Variants in KPNA1 observed in about 807,000 individuals in gnomAD.
KPNA1 encodes the protein importin subunit alpha-5.
In KPNA1, 10 loss-of-function variants were observed where a neutral mutation model predicts 70.5. The observed-to-expected ratio is 0.14, with a 90% CI of 0.09 to 0.24. The LOEUF (loss-of-function observed/expected upper bound fraction) is 0.24, where lower values mean the gene tolerates loss of function less well. Among genes scored for constraint, KPNA1 ranks in the 10% least tolerant of loss-of-function variants. KPNA1 has a pLI of 1.00. For missense variants in KPNA1, 397 were observed against 637.9 expected, an observed-to-expected ratio of 0.62 and a Z score of 4.07; for synonymous variants, 192 against 221.9, an observed-to-expected ratio of 0.87 and a Z score of 1.20.
rs1200418528 is a variant in KPNA1 at position 122,422,244 on chromosome 3, T to G, written c.*4741A>C. ...TGGCACTGCTTCCTGAGGCAGTAAT[T>G]CTTCAAAGCCTTTCCTTCCGTGTCA... On this transcript the variant is annotated 3_prime_UTR_variant, in exon 14 of 14. Coordinates refer to ENST00000344337, the MANE Select transcript of KPNA1 (RefSeq NM_002264.4). 1 of 152,016 alleles carries G rather than the reference T, an allele frequency of 6.6e-6. No individual in the cohort carries two copies. The highest frequency in any genetic ancestry group is 1.5e-5 in the Non-Finnish European group (1 of 67,998). 9.4% of individuals were successfully genotyped at this position (152,016 alleles called of 1,614,324 possible). A position where few individuals can be genotyped will look rare whatever the true frequency, so the allele number is the denominator to read the frequency against.
intron 12 of KPNA1, among the ~76,000 whole-genome samples, chr3:122,431,349 GT>G (rs1336241099): frequency 1.3e-5 from 2 of 152,048 alleles, no homozygotes; most frequent in Non-Finnish European, 2.9e-5. Flanking sequence ...TAGAGACAAG[GT>G]TTCTCCATGT....
rs1429584145 is a variant in KPNA1 at position 122,425,704 on chromosome 3, T to C, written c.*1281A>G. On this transcript the variant is annotated 3_prime_UTR_variant, in exon 14 of 14. Transcript: ENST00000344337. ...TAAATGAGCCAGAAGGCAGATACTGTTTTTATTTTGTGTGGGGGGAGGGGG... is the reference window on the plus strand; with the variant it reads ...TAAATGAGCCAGAAGGCAGATACTGCTTTTATTTTGTGTGGGGGGAGGGGG... The C allele has an allele frequency of 6.6e-6, 1 of 152,654 alleles. No individual in the cohort carries two copies. Among genetic ancestry groups the C allele is most frequent in the Non-Finnish European group, 1.5e-5 (1 of 68,074 alleles). The allele number at this position is 152,654 out of a possible 1,614,324, so 9.5% of individuals were successfully genotyped here.
chr3:122,493,631 C>T (rs1336873790), intron 2 of KPNA1, among the ~76,000 whole-genome samples: 1 of 152,192 alleles, frequency 6.6e-6, no homozygotes, highest in African/African-American at 2.4e-5. Context: ...GTAAATCCAA[C>T]ATTTGACTTA....
chr3:122,504,324 T>G (rs570074939), intron 1 of KPNA1, among the ~76,000 whole-genome samples: 2 of 152,184 alleles, frequency 1.3e-5, no homozygotes, highest in Non-Finnish European at 1.5e-5. Flanking sequence ...TGTATTCACA[T>G]AGCAGAAGGG....
At chr3:122,453,317 T>C (rs1352301622) in intron 6 of KPNA1, among the ~76,000 whole-genome samples, 1 of 152,188 alleles carries the variant, frequency 6.6e-6, no homozygotes, top group Non-Finnish European at 1.5e-5. Context: ...AAAAAGTACA[T>C]ATACAGGGCT....
intron 12 of KPNA1, among the ~76,000 whole-genome samples, chr3:122,429,596 A>G (rs1338236496): frequency 1.3e-5 from 2 of 152,136 alleles, no homozygotes; most frequent in African/African-American, 4.8e-5. Flanking sequence ...ATGCTCATGG[A>G]CAAGACTCAA....
intron 3 of KPNA1, among the ~76,000 whole-genome samples, chr3:122,464,580 G>A (rs1160303720): frequency 2.0e-5 from 3 of 152,216 alleles, no homozygotes; most frequent in Non-Finnish European, 4.4e-5. Context: ...TATTGAGTGA[G>A]TAAATAGAGT....
chr3:122,467,821 T>C (rs1338609336), intron 2 of KPNA1, among the ~76,000 whole-genome samples: 1 of 152,206 alleles, frequency 6.6e-6, no homozygotes, highest in Non-Finnish European at 1.5e-5. Context: ...TATGTTCAAA[T>C]GACTTAATAC....
intron 9 of KPNA1, 104 bp downstream of exon 9, chr3:122,449,470 A>G (rs2076175365): frequency 2.1e-6 from 2 of 939,930 alleles, no homozygotes; most frequent in Non-Finnish European, 3.2e-6. Context: ...CCAAAGCACA[A>G]TAAATCAATT....
intron 2 of KPNA1, among the ~76,000 whole-genome samples, chr3:122,484,704 A>T (rs2076609835): frequency 6.6e-6 from 1 of 152,126 alleles, no homozygotes; most frequent in African/African-American, 2.4e-5. Flanking sequence ...AGGAAGAAAG[A>T]AAGATGACAT....
intron 1 of KPNA1, among the ~76,000 whole-genome samples, chr3:122,506,282 T>C (rs1354154436): frequency 1.3e-5 from 2 of 152,192 alleles, no homozygotes; most frequent in African/African-American, 4.8e-5. Flanking sequence ...ATAATTTTAT[T>C]AGAAAGTATA....
At chr3:122,438,570 G>A (rs1031491885) in intron 10 of KPNA1, among the ~76,000 whole-genome samples, 1 of 152,040 alleles carries the variant, frequency 6.6e-6, no homozygotes, top group East Asian at 1.9e-4. Flanking sequence ...ATTTTTAGTA[G>A]AGACAGGGTT....
chr3:122,496,653 C>T (rs2076765026), intron 1 of KPNA1, 83 bp from the exon 2 acceptor site: 3 of 1,223,612 alleles, frequency 2.5e-6, no homozygotes, highest in South Asian at 1.4e-5. Flanking sequence ...TAAACATATA[C>T]ATGCCCAGAC....
At chr3:122,474,229 C>T (rs569357988) in intron 2 of KPNA1, among the ~76,000 whole-genome samples, 4 of 152,184 alleles carry the variant, frequency 2.6e-5, no homozygotes, top group African/African-American at 9.6e-5. Context: ...GGTATTATTC[C>T]TATCTATAAA....
chr3:122,496,319 AACACACACAC>A (rs9289194), intron 2 of KPNA1, 108 bp downstream of exon 2: 21 of 440,382 alleles, frequency 4.8e-5, no homozygotes, highest in South Asian at 9.2e-5. Context: ...AGAAGGGGAA[AACACACACAC>A]ACACACACAC....
chr3:122,461,219 C>T lies in KPNA1; in HGVS notation c.432+5G>A, dbSNP rs2076320153. ...TATGAGGCAATAAATAAAAATTATT[C>T]GCACCTGCAGTGTACAATTCTCTTT... On this transcript the variant is annotated splice_donor_5th_base_variant and intron_variant, in intron 5 of 13. Transcript: ENST00000344337. 1.3e-6 allele frequency: 2 copies of T among 1,550,008 alleles called. No individual in the cohort carries two copies. The highest frequency in any genetic ancestry group is 1.9e-5 in the Admixed American group (1 of 52,902).
chr3:122,489,050 T>TGTGTG (rs2076663900), intron 2 of KPNA1, among the ~76,000 whole-genome samples: 4 of 88,792 alleles, frequency 4.5e-5, no homozygotes, highest in African/African-American at 1.5e-4. Context: ...GTGGGTTTTT[T>TGTGTG]TGCGTGCGTG....
chr3:122,440,319 C>A (rs940859987), intron 10 of KPNA1, among the ~76,000 whole-genome samples: 2 of 151,960 alleles, frequency 1.3e-5, no homozygotes, highest in African/African-American at 2.4e-5. Flanking sequence ...ACTTGAAGAA[C>A]AAGAAAACAT....
intron 2 of KPNA1, among the ~76,000 whole-genome samples, chr3:122,474,862 C>T (rs1255959471): frequency 6.6e-6 from 1 of 152,036 alleles, no homozygotes; most frequent in Non-Finnish European, 1.5e-5. Flanking sequence ...TACCTCCACA[C>T]AATAAAGGCC....
Sources: allele counts gnomAD v4.1 joint callset (sites outside exome capture counted in the v4.1 genomes callset), GRCh38; gene constraint gnomAD v4.1.1; transcripts MANE v1.5; gene names NCBI Gene and HGNC (gene_info 2026-07-23, HGNC 2026-07-21).